The following CTNNA3 variants were observed in gnomAD, a reference collection of about 807,000 sequenced individuals.
CTNNA3 encodes catenin alpha-3.
In CTNNA3, 76 loss-of-function variants were observed where a neutral mutation model predicts 95.7. The ratio of observed to expected loss-of-function variants is 0.79; its 90% confidence interval spans 0.66 to 0.96. The LOEUF is 0.96. Among genes scored for constraint, CTNNA3 ranks in the 40% least tolerant of loss-of-function variants. The pLI is 0.00. For synonymous variants in CTNNA3, 431 were observed against 374.4 expected (o/e 1.15, Z -1.74); for missense variants, 1,191 against 1,089.8 (o/e 1.09, Z -1.31).
At chr10:66,418,048 C>A (rs1202574871) in intron 11 of CTNNA3, among the ~76,000 whole-genome samples, 1 of 144,574 alleles carries the variant, frequency 6.9e-6, no homozygotes, top group African/African-American at 2.5e-5. Context: ...ACTAGAAAAA[C>A]AATAAAAAGC....
intron 15 of CTNNA3, among the ~76,000 whole-genome samples, chr10:66,023,552 T>C (rs1386040542): frequency 6.6e-6 from 1 of 152,148 alleles, no homozygotes; most frequent in Non-Finnish European, 1.5e-5. Context: ...ACTAAAGAAA[T>C]ATAGATATTA....
chr10:66,356,024 T>C (rs1448957896), intron 12 of CTNNA3, among the ~76,000 whole-genome samples: 2 of 152,032 alleles, frequency 1.3e-5, no homozygotes, highest in Non-Finnish European at 2.9e-5. Flanking sequence ...GATCTATGTG[T>C]CTACTCTTTT....
chr10:66,839,262 A>C (rs978832460), intron 7 of CTNNA3, among the ~76,000 whole-genome samples: 1 of 152,092 alleles, frequency 6.6e-6, no homozygotes, highest in Admixed American at 6.6e-5. Context: ...CTGATTACCT[A>C]CTTGATGATG....
chr10:66,171,402 C>T (rs573543825), intron 13 of CTNNA3, among the ~76,000 whole-genome samples: 1 of 151,588 alleles, frequency 6.6e-6, no homozygotes, highest in African/African-American at 2.4e-5. Context: ...AAAAAATAGC[C>T]AGGCATGGTG....
chr10:66,195,463 T>C (rs2086903423), intron 13 of CTNNA3, among the ~76,000 whole-genome samples: 1 of 148,998 alleles, frequency 6.7e-6, no homozygotes, highest in Admixed American at 6.7e-5. Context: ...GCAGACTAAT[T>C]CATTTGTATT....
At chr10:67,611,199 TC>T (rs1167173747) in intron 2 of CTNNA3, among the ~76,000 whole-genome samples, 1 of 152,168 alleles carries the variant, frequency 6.6e-6, no homozygotes, top group Non-Finnish European at 1.5e-5. Context: ...TAGGTGTGCT[TC>T]TCTAAATGCT....
chr10:67,070,253 G>A (rs1856366314), intron 7 of CTNNA3, among the ~76,000 whole-genome samples: 8 of 151,944 alleles, frequency 5.3e-5, no homozygotes, highest in Admixed American at 4.6e-4. Flanking sequence ...ATTGTCTTTT[G>A]TCTTTATCTT....
intron 5 of CTNNA3, among the ~76,000 whole-genome samples, chr10:67,409,901 G>A (rs1845301671): frequency 6.6e-6 from 1 of 152,124 alleles, no homozygotes; most frequent in Non-Finnish European, 1.5e-5. Flanking sequence ...CTTACACACT[G>A]TTGGTGAAGA....
chr10:67,741,975 C>T (rs1174235863), intron 1 of CTNNA3, among the ~76,000 whole-genome samples: 1 of 151,234 alleles, frequency 6.6e-6, no homozygotes, highest in East Asian at 1.9e-4. Flanking sequence ...ATATTGGGTG[C>T]ACCCAATACA....
chr10:67,135,002 T>C (rs935022602), intron 7 of CTNNA3, among the ~76,000 whole-genome samples: 1 of 152,112 alleles, frequency 6.6e-6, no homozygotes, highest in Non-Finnish European at 1.5e-5. Context: ...GATAGAGCTA[T>C]CTTTTAATTA....
chr10:66,794,396 C>T (rs941848427), intron 7 of CTNNA3, among the ~76,000 whole-genome samples: 1 of 152,140 alleles, frequency 6.6e-6, no homozygotes, highest in Admixed American at 6.6e-5. Flanking sequence ...TAAGTTTACA[C>T]AATACTTTAG....
At chr10:65,954,345 ACT>A (rs2077686820) in intron 17 of CTNNA3, among the ~76,000 whole-genome samples, 1 of 151,914 alleles carries the variant, frequency 6.6e-6, no homozygotes, top group South Asian at 2.1e-4. Flanking sequence ...TTGCCTGCTC[ACT>A]CTGATGGTAG....
chr10:67,724,074 T>G (rs1564840453), intron 1 of CTNNA3, among the ~76,000 whole-genome samples: 1 of 152,196 alleles, frequency 6.6e-6, no homozygotes, highest in African/African-American at 2.4e-5. Flanking sequence ...GGCTCAGCAG[T>G]GACCCTGATA....
chr10:66,017,960 G>A (rs1252515368), intron 15 of CTNNA3, among the ~76,000 whole-genome samples: 2 of 151,830 alleles, frequency 1.3e-5, no homozygotes, highest in Non-Finnish European at 2.9e-5. Context: ...ATCATAGTGA[G>A]GTATATGAAA....
chr10:67,279,088 A>G lies in CTNNA3; in HGVS notation c.580-59218T>C, dbSNP rs964384539. Among the ~76,000 whole-genome samples, 3 of 152,164 alleles carry G rather than the reference A, an allele frequency of 2.0e-5. No homozygotes were observed. The East Asian group carries it at 5.8e-4, about 29-fold the overall frequency. ...GTCCTGAGTTGTTTACCTATGGAGC[A>G]GTAATCAGAAAAACTGACATATGGG... On this transcript the variant is annotated intron_variant, in intron 5 of 17. Transcript: ENST00000433211.
intron 7 of CTNNA3, among the ~76,000 whole-genome samples, chr10:66,861,730 T>C (rs978798989): frequency 6.6e-6 from 1 of 152,206 alleles, no homozygotes; most frequent in Non-Finnish European, 1.5e-5. Context: ...AGGTGCTTCT[T>C]ACAATTTTCA....
intron 7 of CTNNA3, among the ~76,000 whole-genome samples, chr10:66,883,847 T>C (rs1844935196): frequency 6.6e-6 from 1 of 152,100 alleles, no homozygotes; most frequent in Non-Finnish European, 1.5e-5. Context: ...GGGTGGAGTA[T>C]GTAAGATATG....
intron 11 of CTNNA3, among the ~76,000 whole-genome samples, chr10:66,416,609 G>A (rs898654750): frequency 6.6e-6 from 1 of 151,578 alleles, no homozygotes; most frequent in East Asian, 1.9e-4. Flanking sequence ...CAGAACAAGA[G>A]AAAATTTATC....
At chr10:67,460,523 A>G (rs961335809) in intron 5 of CTNNA3, among the ~76,000 whole-genome samples, 6 of 152,206 alleles carry the variant, frequency 3.9e-5, no homozygotes, top group Admixed American at 6.6e-5. Flanking sequence ...AGTAAAAATT[A>G]TTTGAGAAGT....
Sources: gnomAD v4.1 joint callset for allele counts (sites outside exome capture counted in the v4.1 genomes callset) on GRCh38, gnomAD v4.1.1 for gene constraint, MANE v1.5 for transcripts, NCBI Gene and HGNC (gene_info 2026-07-23, HGNC 2026-07-21) for gene names.